The following ATF7 variants were observed in gnomAD, a reference collection of about 807,000 sequenced individuals.
ATF7 encodes the protein activating transcription factor 7.
Under a neutral mutation model 50.4 loss-of-function variants are expected in ATF7, and 10 were observed. The observed-to-expected ratio is 0.20, with a 90% CI of 0.12 to 0.34. The LOEUF is 0.34. ATF7 is among the 10% of genes least tolerant of loss of function. ATF7 has a pLI of 1.00. For synonymous variants in ATF7, 201 were observed against 226.4 expected (o/e 0.89, Z 1.01); for missense variants, 465 against 613.9 (o/e 0.76, Z 2.56).
chr12:53,550,781 C>T (rs1289660410), intron 3 of ATF7, among the ~76,000 whole-genome samples: 1 of 152,112 alleles, frequency 6.6e-6, no homozygotes, highest in East Asian at 1.9e-4. Flanking sequence ...GAATTACCAG[C>T]GTAGATATAT....
chr12:53,623,535 G>A (rs1222676155), intron 1 of ATF7, among the ~76,000 whole-genome samples: 2 of 152,170 alleles, frequency 1.3e-5, no homozygotes, highest in African/African-American at 4.8e-5. Context: ...TTTATTAAGG[G>A]ATAAGGGACA....
At chr12:53,568,876 T>C (rs899849158) in intron 2 of ATF7, among the ~76,000 whole-genome samples, 1 of 152,102 alleles carries the variant, frequency 6.6e-6, no homozygotes, top group Non-Finnish European at 1.5e-5. Flanking sequence ...AAGAATGAAA[T>C]TGCAGCTAAG....
Position 53,534,627 on chromosome 12 carries a change from G to A in ATF7, c.435C>T (p.Thr145=). 6.2e-7 allele frequency: 1 copy of A among 1,612,910 alleles called. No individual in the cohort carries two copies. Among genetic ancestry groups the A allele is most frequent in the Non-Finnish European group, 8.5e-7 (1 of 1,179,606 alleles). ...EVTPKPVLIS[T]PTPTIVRPGS... ...CAGGACGTACAATGGTGGGTGTGGG[G>A]GTAGAGATCAGAACAGGCTTTGGGG... Residue 145 remains threonine (T), a synonymous_variant, in exon 6 of 12, where the codon ACC becomes ACT. Coordinates refer to ENST00000420353, the MANE Select transcript of ATF7 (RefSeq NM_006856.3).
At chr12:53,624,537 T>C (rs540324081) in intron 1 of ATF7, among the ~76,000 whole-genome samples, 8 of 152,380 alleles carry the variant, frequency 5.3e-5, no homozygotes, top group African/African-American at 1.9e-4. Context: ...GCCCTGTCCC[T>C]TTTCTGTACA....
At chr12:53,553,288 G>A (rs913705808) in intron 2 of ATF7, among the ~76,000 whole-genome samples, 12 of 152,126 alleles carry the variant, frequency 7.9e-5, no homozygotes, top group Admixed American at 3.3e-4. Context: ...TCCCCTCATC[G>A]GGCAGCCCGC....
chr12:53,552,452 G>T, intron 3 of ATF7, 89 bp downstream of exon 3: 1 of 1,007,478 alleles, frequency 9.9e-7, no homozygotes, highest in Non-Finnish European at 1.5e-6. Flanking sequence ...TGGGAGAAAG[G>T]GAGTACAGCT....
intron 5 of ATF7, among the ~76,000 whole-genome samples, chr12:53,536,332 A>C (rs565833560): frequency 3.3e-5 from 5 of 149,748 alleles, no homozygotes; most frequent in African/African-American, 9.8e-5. Flanking sequence ...GCTGGAGTGC[A>C]ATGGTGCAAT....
In ATF7 at chr12:53,607,445, T is replaced by C. The variant is rs186696688; in HGVS notation, c.-21-6424A>G. Among the ~76,000 whole-genome samples the C allele has an allele frequency of 1.7e-3, 256 of 152,314 alleles. 1 individual carries two copies. The highest frequency in any genetic ancestry group is 3.1e-3 in the Non-Finnish European group (214 of 68,030). On this transcript the variant is annotated intron_variant, in intron 1 of 11. Transcript: ENST00000420353. ...CATTTCATTCTTCTTTCAGTCTCTC[T>C]ATTCTAAGGATAAAACCAGACATGT...
At chr12:53,543,535 T>C in intron 3 of ATF7, 87 bp from the exon 4 acceptor site, 1 of 1,345,552 alleles carries the variant, frequency 7.4e-7, no homozygotes, top group Non-Finnish European at 1.0e-6. Context: ...AATGCATTTG[T>C]ACTTTTTGAT....
chr12:53,587,843 A>ATTT lies in ATF7; in HGVS notation c.48+13107_48+13109dup, dbSNP rs201692852. Among the ~76,000 whole-genome samples the ATTT allele has an allele frequency of 1.8e-3, 108 of 61,550 alleles. 4 individuals carry two copies. The highest frequency in any genetic ancestry group is 0.011 in the Middle Eastern group (1 of 88). The allele number at this position is 61,550 out of a possible 152,430, so 40.4% of individuals were successfully genotyped here. On this transcript the variant is annotated intron_variant, in intron 2 of 11. Transcript: ENST00000420353. ...TACATATATATATATATATATATATATTTTTTTTTTTTTTTCTTTTTGACA... is the reference window on the plus strand; with the variant it reads ...TACATATATATATATATATATATATATTTTTTTTTTTTTTTTTTCTTTTTGACA...
chr12:53,573,675 G>C (rs971647449), intron 2 of ATF7, among the ~76,000 whole-genome samples: 8 of 152,122 alleles, frequency 5.3e-5, no homozygotes, highest in African/African-American at 1.2e-4. Flanking sequence ...TTGTGAATAA[G>C]GGGGGACTAC....
chr12:53,613,140 C>A (rs1312657014), intron 1 of ATF7, among the ~76,000 whole-genome samples: 1 of 152,202 alleles, frequency 6.6e-6, no homozygotes, highest in Non-Finnish European at 1.5e-5. Flanking sequence ...TATACCACAG[C>A]TAACCTTTAT....
intron 3 of ATF7, among the ~76,000 whole-genome samples, chr12:53,547,643 T>A (rs1000365360): frequency 6.6e-6 from 1 of 151,020 alleles, no homozygotes; most frequent in Non-Finnish European, 1.5e-5. Flanking sequence ...AATGGCATGA[T>A]CATGGTTCAC....
intron 1 of ATF7, among the ~76,000 whole-genome samples, chr12:53,601,623 C>G (rs1051645168): frequency 1.3e-5 from 2 of 152,200 alleles, no homozygotes; most frequent in Admixed American, 6.5e-5. Context: ...CTCCTCCCCC[C>G]ACCAATCGTC....
rs1938718590 is a variant in ATF7 at position 53,529,575 on chromosome 12, T to C, written c.927+2169A>G. On this transcript the variant is annotated intron_variant, in intron 9 of 11. Coordinates refer to ENST00000420353, the MANE Select transcript of ATF7 (RefSeq NM_006856.3). Reference sequence around the variant, plus strand: ...CTGGTCTCGAACTCTTGACCTGCCTTGGCCTCCCAAAGTGCTGGGACTACA... The same window carrying C: ...CTGGTCTCGAACTCTTGACCTGCCTCGGCCTCCCAAAGTGCTGGGACTACA... Among the ~76,000 whole-genome samples, 3 of 149,868 alleles carry C rather than the reference T, an allele frequency of 2.0e-5. No homozygotes were observed. In the Admixed American group the frequency reaches 2.0e-4, roughly 10 times the overall value.
chr12:53,578,105 C>T (rs974196917), intron 2 of ATF7, among the ~76,000 whole-genome samples: 1 of 152,074 alleles, frequency 6.6e-6, no homozygotes, highest in African/African-American at 2.4e-5. Flanking sequence ...GAAGAAAGGC[C>T]ACATGTGGTG....
intron 2 of ATF7, among the ~76,000 whole-genome samples, chr12:53,556,573 G>A (rs1035334348): frequency 2.6e-5 from 4 of 152,144 alleles, no homozygotes; most frequent in African/African-American, 9.7e-5. Flanking sequence ...CTCCAATCTG[G>A]GCAACAAGAG....
chr12:53,623,666 C>T (rs1056158878), intron 1 of ATF7, among the ~76,000 whole-genome samples: 16 of 152,270 alleles, frequency 1.1e-4, no homozygotes, highest in African/African-American at 3.4e-4. Context: ...CCTTATCAGA[C>T]GTGGATAGGA....
At chr12:53,577,256 C>T (rs566807012) in intron 2 of ATF7, among the ~76,000 whole-genome samples, 73 of 152,034 alleles carry the variant, frequency 4.8e-4, no homozygotes, top group Middle Eastern at 6.8e-3. Flanking sequence ...TAGTAAGACA[C>T]TGTCTCTAAA....
Sources: gnomAD v4.1 joint callset for allele counts (sites outside exome capture counted in the v4.1 genomes callset) on GRCh38, gnomAD v4.1.1 for gene constraint, MANE v1.5 for transcripts, NCBI Gene and HGNC (gene_info 2026-07-23, HGNC 2026-07-21) for gene names.